MTUS2: variants seen among roughly 807,000 people sequenced by gnomAD.
The protein encoded by MTUS2 is microtubule-associated tumor suppressor candidate 2.
A neutral mutation model predicts 114.1 loss-of-function variants in MTUS2; 40 were observed. The ratio of observed to expected loss-of-function variants is 0.35; its 90% confidence interval spans 0.27 to 0.46. The LOEUF (loss-of-function observed/expected upper bound fraction) is 0.46, where lower values mean the gene tolerates loss of function less well. Ranked by LOEUF, MTUS2 falls within the 20% of genes least tolerant of loss-of-function variation. The pLI is 1.00. For synonymous variants in MTUS2, 688 were observed against 672.0 expected, an observed-to-expected ratio of 1.02 and a Z score of -0.37; for missense variants, 1,679 against 1,705.4, an observed-to-expected ratio of 0.98 and a Z score of 0.27.
Position 29,492,082 on chromosome 13 carries a change from ATG to A in MTUS2, c.3506-561_3506-560del, listed in dbSNP as rs537304330. On this transcript the variant is annotated intron_variant, in intron 11 of 15. Coordinates refer to ENST00000612955, the MANE Select transcript of MTUS2 (RefSeq NM_001033602.4). ...GTAGGTGTGTATGTGTGCCATGTGT[ATG>A]TGAATGCGTGGTAGGTGTGTATGTG... Among the ~76,000 whole-genome samples, 39 of 118,698 alleles carry A rather than the reference ATG, an allele frequency of 3.3e-4. No individual in the cohort carries two copies. In the South Asian group the frequency reaches 0.01, roughly 31 times the overall value. 77.9% of individuals were successfully genotyped at this position (118,698 alleles called of 152,430 possible).
chr13:29,110,689 T>C (rs1890849381), intron 5 of MTUS2, among the ~76,000 whole-genome samples: 1 of 152,194 alleles, frequency 6.6e-6, no homozygotes, highest in South Asian at 2.1e-4. Flanking sequence ...CTGAGTGTTT[T>C]TGAGCATTGC....
intron 5 of MTUS2, among the ~76,000 whole-genome samples, chr13:29,141,765 G>A (rs1039102419): frequency 6.6e-6 from 1 of 152,092 alleles, no homozygotes; most frequent in Non-Finnish European, 1.5e-5. Flanking sequence ...GCAAAACACT[G>A]TTCTATGTGC....
chr13:28,858,524 A>C (rs1257440348), intron 2 of MTUS2, among the ~76,000 whole-genome samples: 1 of 152,162 alleles, frequency 6.6e-6, no homozygotes, highest in Non-Finnish European at 1.5e-5. Flanking sequence ...TATCTATGGC[A>C]ACATCAAATG....
At chr13:29,420,163 G>A (rs1875969593) in intron 8 of MTUS2, among the ~76,000 whole-genome samples, 1 of 152,058 alleles carries the variant, frequency 6.6e-6, no homozygotes, top group Admixed American at 6.5e-5. Flanking sequence ...AAATCACCCA[G>A]CTGAAAATCA....
At chr13:29,038,941 G>A (rs1397416726) in intron 4 of MTUS2, among the ~76,000 whole-genome samples, 1 of 152,204 alleles carries the variant, frequency 6.6e-6, no homozygotes, top group African/African-American at 2.4e-5. Context: ...GCCTTCCAAA[G>A]CCACCACTTC....
At chr13:28,838,453 C>A (rs1047396723) in intron 1 of MTUS2, among the ~76,000 whole-genome samples, 1 of 152,190 alleles carries the variant, frequency 6.6e-6, no homozygotes, top group Non-Finnish European at 1.5e-5. Context: ...TATTACAAGA[C>A]AGAAGTAAAT....
At chr13:28,843,904 C>T (rs1272721465) in intron 2 of MTUS2, among the ~76,000 whole-genome samples, 4 of 152,066 alleles carry the variant, frequency 2.6e-5, no homozygotes, top group Non-Finnish European at 5.9e-5. Context: ...AAGCAGATAG[C>T]GGGGAGCTGT....
intron 11 of MTUS2, among the ~76,000 whole-genome samples, chr13:29,491,818 A>G (rs1882126862): frequency 4.3e-5 from 3 of 68,994 alleles, no homozygotes; most frequent in Non-Finnish European, 1.0e-4. Flanking sequence ...TGTGTGGGGT[A>G]GGTGTGTGTG....
chr13:29,484,907 G>C (rs1336888398), intron 10 of MTUS2: 3 of 152,268 alleles, frequency 2.0e-5, no homozygotes, highest in African/African-American at 7.2e-5. Flanking sequence ...GTGCTCTGCT[G>C]TCCGTCAGCC....
At chr13:29,213,842 T>C (rs1593174664) in intron 5 of MTUS2, among the ~76,000 whole-genome samples, 1 of 152,288 alleles carries the variant, frequency 6.6e-6, no homozygotes, top group East Asian at 1.9e-4. Flanking sequence ...AAATCTACCA[T>C]CTTGCTATAT....
intron 4 of MTUS2, among the ~76,000 whole-genome samples, chr13:29,034,462 A>C (rs1369853540): frequency 6.6e-6 from 1 of 152,196 alleles, no homozygotes; most frequent in African/African-American, 2.4e-5. Context: ...CTAAGGGGTT[A>C]ATGTCATAAC....
chr13:29,306,475 G>C (rs1053260924), intron 6 of MTUS2, among the ~76,000 whole-genome samples: 1 of 152,136 alleles, frequency 6.6e-6, no homozygotes, highest in Non-Finnish European at 1.5e-5. Context: ...AAAATTGCTA[G>C]CATTCCTATA....
Position 29,347,227 on chromosome 13 carries a change from T to C in MTUS2, c.2906-12035T>C, listed in dbSNP as rs530177993. On this transcript the variant is annotated intron_variant, in intron 7 of 15. Transcript: ENST00000612955. ...ATTTCTATTCTTTTTACTCTTCTTCTGCTTATACTGGGTTTGATTAGTTGA... is the reference window on the plus strand; with the variant it reads ...ATTTCTATTCTTTTTACTCTTCTTCCGCTTATACTGGGTTTGATTAGTTGA... Among the ~76,000 whole-genome samples the C allele has an allele frequency of 5.3e-4, 80 of 152,348 alleles. 1 individual carries two copies. The South Asian group carries it at 0.013, about 26-fold the overall frequency.
chr13:29,317,440 T>TTCCTC (rs1325088119), intron 6 of MTUS2, among the ~76,000 whole-genome samples: 6 of 53,490 alleles, frequency 1.1e-4, no homozygotes, highest in African/African-American at 2.8e-4. Flanking sequence ...CTCTTTTTTT[T>TTCCTC]TTTTTTTTTG....
At chr13:29,223,053 A>G (rs765710449) in intron 5 of MTUS2, among the ~76,000 whole-genome samples, 3 of 152,158 alleles carry the variant, frequency 2.0e-5, no homozygotes, top group Non-Finnish European at 4.4e-5. Flanking sequence ...TGTGGGCACC[A>G]TGGATGGCAG....
intron 7 of MTUS2, among the ~76,000 whole-genome samples, chr13:29,327,070 G>A (rs576811825): frequency 4.6e-5 from 7 of 152,134 alleles, no homozygotes; most frequent in South Asian, 2.1e-4. Context: ...TTTCAAGTGC[G>A]TTTTTATGCT....
rs537430582 is a variant in MTUS2, at chr13:28,876,444, A to G, written c.-243+36594A>G. Among the ~76,000 whole-genome samples the G allele has an allele frequency of 3.9e-5, 6 of 152,306 alleles. No individual in the cohort carries two copies. In the East Asian group the frequency reaches 1.2e-3, roughly 29 times the overall value. ...ATCTGGTGGGTCCAGATTCATTTCC[A>G]TGTGACTGTCCTGGCTCTCTTCTCC... On this transcript the variant is annotated intron_variant, in intron 2 of 15. Coordinates refer to ENST00000612955, the MANE Select transcript of MTUS2 (RefSeq NM_001033602.4).
At chr13:29,370,897 A>C (rs185087248) in intron 8 of MTUS2, among the ~76,000 whole-genome samples, 2 of 152,376 alleles carry the variant, frequency 1.3e-5, no homozygotes, top group African/African-American at 4.8e-5. Context: ...ATTTCAGACA[A>C]GGCAGACTGT....
At chr13:28,933,574 C>T (rs540683191) in intron 2 of MTUS2, among the ~76,000 whole-genome samples, 8 of 152,318 alleles carry the variant, frequency 5.3e-5, no homozygotes, top group African/African-American at 1.9e-4. Context: ...AATTAACCAT[C>T]ACAACATATA....
Sources: allele counts gnomAD v4.1 joint callset (sites outside exome capture counted in the v4.1 genomes callset), GRCh38; gene constraint gnomAD v4.1.1; transcripts MANE v1.5; gene names NCBI Gene and HGNC (gene_info 2026-07-23, HGNC 2026-07-21).